CCT6A: variants seen among roughly 807,000 people sequenced by gnomAD.
The protein encoded by CCT6A is T-complex protein 1 subunit zeta.
Under a neutral mutation model 58.6 loss-of-function variants are expected in CCT6A, and 6 were observed. The observed-to-expected ratio is 0.10, with a 90% CI of 0.06 to 0.20. CCT6A has a LOEUF of 0.20. Ranked by LOEUF, CCT6A falls within the 10% of genes least tolerant of loss-of-function variation. The pLI is 1.00. For synonymous variants in CCT6A, 245 were observed against 227.8 expected, an observed-to-expected ratio of 1.08 and a Z score of -0.68; for missense variants, 516 against 648.8, an observed-to-expected ratio of 0.80 and a Z score of 2.22.
intron 11 of CCT6A, among the ~76,000 whole-genome samples, chr7:56,061,444 C>A (rs1179308285): frequency 1.4e-5 from 2 of 142,012 alleles, no homozygotes; most frequent in African/African-American, 2.6e-5. Context: ...GGTGCGATCT[C>A]AGCTCACTGC....
chr7:56,057,481 G>T lies in CCT6A; in HGVS notation c.615-512G>T, dbSNP rs116028602. Among the ~76,000 whole-genome samples the T allele has an allele frequency of 1.7e-3, 261 of 152,216 alleles. 1 individual carries two copies. Among genetic ancestry groups the T allele is most frequent in the African/African-American group, 6.1e-3 (255 of 41,530 alleles). ...TGCCTCCGTAAGTGCTGGGATTACA[G>T]GTGCTTGGTAGAAAACATGTTTTTA... On this transcript the variant is annotated intron_variant, in intron 5 of 13. Coordinates refer to ENST00000275603, the MANE Select transcript of CCT6A (RefSeq NM_001762.4).
chr7:56,052,809 A>T (rs71528877), intron 2 of CCT6A, among the ~76,000 whole-genome samples: 4,450 of 25,856 alleles, frequency 0.17, 128 homozygotes, highest in African/African-American at 0.23. Context: ...TTTTTTTTTT[A>T]ATTAGACGAA....
intron 3 of CCT6A, 161 bp from the exon 4 acceptor site, chr7:56,055,463 T>C: frequency 2.8e-6 from 2 of 707,156 alleles, no homozygotes; most frequent in Admixed American, 4.4e-5. Context: ...TTGAAAGGAA[T>C]ATTTGTCCTT....
At chr7:56,053,389 T>G (rs752995849) in intron 2 of CCT6A, among the ~76,000 whole-genome samples, 4 of 152,128 alleles carry the variant, frequency 2.6e-5, no homozygotes, top group Non-Finnish European at 5.9e-5. Flanking sequence ...GGAGGTGTAG[T>G]TTTTGTTTTT....
At chr7:56,059,728 G>C (rs973129712) in intron 9 of CCT6A, 88 bp downstream of exon 9, 1 of 698,140 alleles carries the variant, frequency 1.4e-6, no homozygotes, top group African/African-American at 1.8e-5. Flanking sequence ...TCTCACTCCT[G>C]CCCGGGCTGG....
In CCT6A at chr7:56,058,085, C is replaced by T; in HGVS notation, c.707C>T (p.Ser236Leu). The T allele has an allele frequency of 6.3e-7, 1 of 1,589,694 alleles. No homozygotes were observed. ...GCATACATCCTCACTTGTAACGTGT[C>T]ATTAGAGTATGAGAAAACGTAAGTT... The part of the protein sequence containing the change: ...EDAYILTCNV[S>L]LEYEKTEVNS... Residue 236 changes from serine (S) to leucine (L), a missense_variant, in exon 6 of 14, where the codon TCA becomes TTA. Ser to Leu is a moderately radical substitution (Grantham distance 145). Transcript: ENST00000275603.
chr7:56,060,962 A>C (rs1218141243), intron 11 of CCT6A, 22 bp downstream of exon 11: 30 of 1,576,718 alleles, frequency 1.9e-5, no homozygotes, highest in Non-Finnish European at 2.5e-5. Context: ...TTTAACAGTC[A>C]ATCTTCCAAA....
chr7:56,052,653 C>T (rs567383683), intron 2 of CCT6A, among the ~76,000 whole-genome samples, 168 bp downstream of exon 2: 15 of 152,206 alleles, frequency 9.9e-5, no homozygotes, highest in African/African-American at 3.1e-4. Flanking sequence ...CCTTTGAATC[C>T]CTGCTTTTTT....
chr7:56,055,837 T>C, intron 4 of CCT6A, 40 bp downstream of exon 4: 1 of 1,418,998 alleles, frequency 7.0e-7, no homozygotes, highest in Non-Finnish European at 9.8e-7. Flanking sequence ...ATAGTATACC[T>C]ATATAGAAAA....
chr7:56,062,629 A>C (rs1794482907), intron 12 of CCT6A, 54 bp from the exon 13 acceptor site: 1 of 1,393,488 alleles, frequency 7.2e-7, no homozygotes, highest in African/African-American at 1.4e-5. Context: ...AGCTGCACAC[A>C]ATATTGTTGG....
At chr7:56,058,749 T>C in intron 8 of CCT6A, 47 bp downstream of exon 8, 1 of 1,139,390 alleles carries the variant, frequency 8.8e-7, no homozygotes. Flanking sequence ...TGAATTGGGA[T>C]TATTTCTTTT....
rs1794065235 is a variant in CCT6A at position 56,051,781 on chromosome 7, T to G, written c.-68T>G. 1 of 1,528,338 alleles carries G rather than the reference T, an allele frequency of 6.5e-7. No homozygotes were observed. Among genetic ancestry groups the G allele is most frequent in the Admixed American group, 2.0e-5 (1 of 49,508 alleles). The allele number at this position is 1,528,338 out of a possible 1,614,324, so 94.7% of individuals were successfully genotyped here. On this transcript the variant is annotated 5_prime_UTR_variant, in exon 1 of 14. Transcript: ENST00000275603. ...GACTTTTCCAGAAGACCCGGATAGT[T>G]CCTCCCGGCCACGCCGCGCCGGCTC...
intron 4 of CCT6A, 74 bp downstream of exon 4, chr7:56,055,871 A>G: frequency 3.7e-6 from 4 of 1,082,582 alleles, no homozygotes; most frequent in Non-Finnish European, 5.5e-6. Context: ...AAACATGAAT[A>G]TGATTACCAA....
Position 56,054,350 on chromosome 7 carries a change from A to C in CCT6A, c.202-19A>C, listed in dbSNP as rs762347825. The C allele has an allele frequency of 3.8e-5, 61 of 1,588,544 alleles. 1 individual carries two copies. The highest frequency in any genetic ancestry group is 5.2e-5 in the Non-Finnish European group (60 of 1,159,548). ...TGCTTCATATTGTTTTAAGTGATTC[A>C]TTCTTTTTCTACTTACAGCAAATTC... On this transcript the variant is annotated intron_variant, in intron 2 of 13. Transcript: ENST00000275603.
chr7:56,052,091 C>T (rs1282646006), intron 1 of CCT6A, 106 bp downstream of exon 1: 3 of 1,007,642 alleles, frequency 3.0e-6, no homozygotes, highest in Admixed American at 4.4e-5. Context: ...GCTGCGCAGC[C>T]GTCCTTCTCG....
At position 56,060,285 on chromosome 7, in the gene CCT6A, C is replaced by G. The variant is rs769489074; in HGVS notation, c.1082C>G (p.Thr361Ser). ...TACACATAGGGAGAAGAGAAGTTTA[C>G]CTTTATTGAGAAATGTAACAACCCT... Reference protein sequence around the residue: ...YEYTLGEEKFTFIEKCNNPRS... With the variant: ...YEYTLGEEKFSFIEKCNNPRS... The change falls in exon 10 of 14, where the codon ACC (threonine) becomes AGC (serine). Residue 361 changes from threonine (T) to serine (S), a missense_variant. By Grantham distance (58) the Thr-to-Ser change is moderately conservative. Transcript: ENST00000275603. The G allele has an allele frequency of 2.5e-6, 4 of 1,613,440 alleles. No individual in the cohort carries two copies. The highest frequency in any genetic ancestry group is 3.4e-6 in the Non-Finnish European group (4 of 1,179,622).
rs1794070263 is a variant in CCT6A, at chr7:56,051,816, A to G, written c.-33A>G. ...CACGCCGCGCCGGCTCTGGGCACTC[A>G]GCATCGTTTCCTTTTCCTCCGCTGG... On this transcript the variant is annotated 5_prime_UTR_variant, in exon 1 of 14. Transcript: ENST00000275603. The G allele has an allele frequency of 1.9e-6, 3 of 1,547,186 alleles. No homozygotes were observed. Among genetic ancestry groups the G allele is most frequent in the Non-Finnish European group, 2.6e-6 (3 of 1,146,182 alleles).
intron 1 of CCT6A, 126 bp from the exon 2 acceptor site, chr7:56,052,296 T>G (rs1481681358): frequency 2.4e-6 from 2 of 829,118 alleles, no homozygotes; most frequent in Admixed American, 4.1e-5. Flanking sequence ...CTGTCCTCCA[T>G]CCTGCTGGAC....
At chr7:56,055,489 A>G in intron 3 of CCT6A, 135 bp from the exon 4 acceptor site, 1 of 766,012 alleles carries the variant, frequency 1.3e-6, no homozygotes, top group Non-Finnish European at 2.2e-6. Flanking sequence ...TGTATTCAGA[A>G]AGCCAGCACA....
Sources: gnomAD v4.1 joint callset for allele counts (sites outside exome capture counted in the v4.1 genomes callset) on GRCh38, gnomAD v4.1.1 for gene constraint, MANE v1.5 for transcripts, NCBI Gene and HGNC (gene_info 2026-07-23, HGNC 2026-07-21) for gene names.